The following FNBP1 variants were observed in gnomAD, a reference collection of about 807,000 sequenced individuals.
The protein encoded by FNBP1 is formin-binding protein 1.
A neutral mutation model predicts 90.6 loss-of-function variants in FNBP1; 26 were observed. That is an observed-to-expected ratio of 0.29 (90% CI 0.21 to 0.40). The LOEUF is 0.40. FNBP1 is among the 10% of genes least tolerant of loss of function. The pLI, the probability that FNBP1 is intolerant of heterozygous loss-of-function variation, is 1.00. For missense variants in FNBP1, 635 were observed against 768.0 expected, an observed-to-expected ratio of 0.83 and a Z score of 2.05; for synonymous variants, 260 against 265.2, an observed-to-expected ratio of 0.98 and a Z score of 0.19.
intron 6 of FNBP1, among the ~76,000 whole-genome samples, chr9:129,946,160 C>G (rs1341363677): frequency 6.6e-6 from 1 of 150,830 alleles, no homozygotes; most frequent in African/African-American, 2.5e-5. Flanking sequence ...CAGACCAATA[C>G]TCTGTTTCAA....
At chr9:129,915,592 G>A (rs1008005410) in intron 11 of FNBP1, among the ~76,000 whole-genome samples, 3 of 152,114 alleles carry the variant, frequency 2.0e-5, no homozygotes, top group East Asian at 3.9e-4. Flanking sequence ...TCGAACTCCT[G>A]AGCTCAGGCA....
intron 1 of FNBP1, among the ~76,000 whole-genome samples, chr9:129,996,088 G>C (rs1269649361): frequency 6.6e-6 from 1 of 152,138 alleles, no homozygotes; most frequent in Non-Finnish European, 1.5e-5. Flanking sequence ...TCTGCTTCCC[G>C]GAATTAAACA....
At position 130,041,146 on chromosome 9, in the gene FNBP1, T is replaced by C. The variant is rs983688065; in HGVS notation, c.24+1806A>G. Among the ~76,000 whole-genome samples, 2 of 152,050 alleles carry C rather than the reference T, an allele frequency of 1.3e-5. No homozygotes were observed. Among genetic ancestry groups the C allele is most frequent in the African/African-American group, 4.8e-5 (2 of 41,410 alleles). On this transcript the variant is annotated intron_variant, in intron 1 of 16. Coordinates refer to ENST00000446176, the MANE Select transcript of FNBP1 (RefSeq NM_015033.3). The surrounding 1 kb of genome is among the most constrained non-coding windows in gnomAD (Gnocchi z 4.3). ...GCCACTGCGCCCGGCCTCTCTCATT[T>C]ATTTTCAATCACTCCTAACCCTGCC...
chr9:129,956,091 T>C (rs2046899925), intron 6 of FNBP1, among the ~76,000 whole-genome samples: 1 of 152,204 alleles, frequency 6.6e-6, no homozygotes, highest in Admixed American at 6.6e-5. Context: ...CAGTCTGGAC[T>C]CCTGGGCTCA....
intron 1 of FNBP1, chr9:130,013,818 A>G: frequency 2.2e-6 from 1 of 445,764 alleles, no homozygotes; most frequent in Non-Finnish European, 4.5e-6. Context: ...TGGATTAGTT[A>G]TTTCAAGAGT....
chr9:129,913,165 G>A (rs1405582631), intron 11 of FNBP1, among the ~76,000 whole-genome samples: 1 of 152,094 alleles, frequency 6.6e-6, no homozygotes, highest in African/African-American at 2.4e-5. Flanking sequence ...CCAGGATCAT[G>A]CCACTGCACT....
chr9:130,025,170 ACT>A (rs148683905), intron 1 of FNBP1, among the ~76,000 whole-genome samples: 4,485 of 151,020 alleles, frequency 0.03, 87 homozygotes, highest in Non-Finnish European at 0.043. Flanking sequence ...ACAGAACGAG[ACT>A]CTATCTCAAA....
the FNBP1 span, among the ~76,000 whole-genome samples, chr9:130,053,143 G>C: frequency 2.0e-5 from 3 of 152,120 alleles, no homozygotes; most frequent in Non-Finnish European, 2.9e-5. Flanking sequence ...TATAATTTCT[G>C]AAAGAAGCAA....
intron 1 of FNBP1, among the ~76,000 whole-genome samples, chr9:130,003,298 A>G (rs1019557750): frequency 2.0e-5 from 3 of 152,060 alleles, no homozygotes; most frequent in African/African-American, 7.2e-5. Flanking sequence ...CTCTACTAAA[A>G]CTACAAAAAT....
Position 129,925,064 on chromosome 9 carries a change from C to G in FNBP1, c.883G>C (p.Val295Leu), listed in dbSNP as rs1255884910. 2 of 1,613,798 alleles carry G rather than the reference C, an allele frequency of 1.2e-6. No homozygotes were observed. Among genetic ancestry groups the G allele is most frequent in the Non-Finnish European group, 1.7e-6 (2 of 1,179,840 alleles). Residue 295 changes from valine to leucine, a missense_variant, in exon 9 of 17, where the codon GTG (valine) becomes CTG (leucine). Coordinates refer to ENST00000446176, the MANE Select transcript of FNBP1 (RefSeq NM_015033.3). ...GAATTTGAAAGGCTGTTATCTGACA[C>G]AGTGCGCTTCATTGGCTGAGTGTAA... ...EDYTQPMKRTVSDNSLSNSRG... is the reference protein window; with the variant it reads ...EDYTQPMKRTLSDNSLSNSRG...
intron 4 of FNBP1, among the ~76,000 whole-genome samples, chr9:129,971,658 T>C (rs2049472049): frequency 6.6e-6 from 1 of 152,242 alleles, no homozygotes; most frequent in African/African-American, 2.4e-5. Context: ...CCCAAAGTGC[T>C]GGGATTACAG....
At chr9:130,028,687 C>G (rs1005843585) in intron 1 of FNBP1, among the ~76,000 whole-genome samples, 6 of 152,178 alleles carry the variant, frequency 3.9e-5, no homozygotes, top group African/African-American at 1.4e-4. Context: ...CTTTGGCAAA[C>G]AGAGTGCAGA....
At chr9:130,032,741 T>C (rs1464585573) in intron 1 of FNBP1, among the ~76,000 whole-genome samples, 1 of 137,424 alleles carries the variant, frequency 7.3e-6, no homozygotes, top group Non-Finnish European at 1.7e-5. Context: ...TCAGTGGAAC[T>C]TTTTTTTTTT....
At chr9:129,965,298 A>G (rs2133071364) in intron 4 of FNBP1, among the ~76,000 whole-genome samples, 1 of 152,328 alleles carries the variant, frequency 6.6e-6, no homozygotes, top group South Asian at 2.1e-4. Context: ...AAGTTTATCC[A>G]TAGTAAAAAT....
chr9:130,038,179 C>A (rs1466933464), intron 1 of FNBP1, among the ~76,000 whole-genome samples: 1 of 151,610 alleles, frequency 6.6e-6, no homozygotes, highest in African/African-American at 2.4e-5. Context: ...ACAGTGAAAC[C>A]CTGTCTCTAC....
chr9:129,934,389 C>G (rs541061524), intron 6 of FNBP1, among the ~76,000 whole-genome samples: 105 of 152,204 alleles, frequency 6.9e-4, no homozygotes, highest in Middle Eastern at 3.4e-3. Flanking sequence ...CTAAAAAGTC[C>G]AGAATAACCC....
At chr9:129,960,941 G>A (rs970401946) in intron 4 of FNBP1, among the ~76,000 whole-genome samples, 1 of 152,084 alleles carries the variant, frequency 6.6e-6, no homozygotes, top group African/African-American at 2.4e-5. Context: ...AAGGAAGACT[G>A]AGAGAAGTGG....
intron 1 of FNBP1, among the ~76,000 whole-genome samples, chr9:130,001,598 C>T (rs2054861178): frequency 6.6e-6 from 1 of 152,022 alleles, no homozygotes; most frequent in South Asian, 2.1e-4. Flanking sequence ...ATTTCTATTT[C>T]AGGTTGGGTG....
chr9:130,048,577 C>T, the FNBP1 span, among the ~76,000 whole-genome samples: 3 of 146,840 alleles, frequency 2.0e-5, no homozygotes, highest in African/African-American at 7.5e-5. Flanking sequence ...CTCCAGGGTT[C>T]ACATCATTCT....
Sources: allele counts gnomAD v4.1 joint callset (sites outside exome capture counted in the v4.1 genomes callset), GRCh38; gene constraint gnomAD v4.1.1; non-coding constraint Gnocchi (gnomAD v3.1); transcripts MANE v1.5; gene names NCBI Gene and HGNC (gene_info 2026-07-23, HGNC 2026-07-21).